SALL3: variants seen among roughly 807,000 people sequenced by gnomAD.
SALL3 encodes spalt like transcription factor 3.
Under a neutral mutation model 66.2 loss-of-function variants are expected in SALL3, and 25 were observed. The ratio of observed to expected loss-of-function variants is 0.38; its 90% CI spans 0.28 to 0.53. The LOEUF (loss-of-function observed/expected upper bound fraction) is 0.53. SALL3 is among the 20% of genes least tolerant of loss of function. SALL3 has a pLI of 0.85. For missense variants in SALL3, 2,194 were observed against 1,916.5 expected, an observed-to-expected ratio of 1.14 and a Z score of -2.70; for synonymous variants, 1,152 against 899.1, an observed-to-expected ratio of 1.28 and a Z score of -5.03.
chr18:78,989,352 G>A lies in SALL3; in HGVS notation c.83-2722G>A, dbSNP rs549172203. Among the ~76,000 whole-genome samples the A allele has an allele frequency of 2.6e-3, 398 of 152,244 alleles. 1 individual carries two copies. Among genetic ancestry groups the A allele is most frequent in the Non-Finnish European group, 4.5e-3 (308 of 67,990 alleles). On this transcript the variant is annotated intron_variant, in intron 1 of 2. Transcript: ENST00000537592. ...TGTTAAGGTAAATAGAGATTTGTTT[G>A]GGTCAGGACCTTTGCAAAAAGCACA... is the stretch of plus-strand genomic sequence containing the variant.
At chr18:78,988,034 A>C (rs1448687146) in intron 1 of SALL3, among the ~76,000 whole-genome samples, 2 of 152,248 alleles carry the variant, frequency 1.3e-5, no homozygotes, top group South Asian at 4.1e-4. Flanking sequence ...CAAACTTGTC[A>C]CTGTTGTACT....
chr18:78,983,584 T>C (rs1419423135), intron 1 of SALL3, among the ~76,000 whole-genome samples: 1 of 152,202 alleles, frequency 6.6e-6, no homozygotes, highest in Non-Finnish European at 1.5e-5. Context: ...GTTGAGCATG[T>C]GATTTAAGAA....
At chr18:78,983,787 G>T (rs907104172) in intron 1 of SALL3, among the ~76,000 whole-genome samples, 1 of 152,140 alleles carries the variant, frequency 6.6e-6, no homozygotes, top group Non-Finnish European at 1.5e-5. Context: ...ACATTCACAG[G>T]CAGATTGCTT....
chr18:78,995,697 T>G (rs1364579323), intron 2 of SALL3, among the ~76,000 whole-genome samples: 1 of 7,974 alleles, frequency 1.3e-4, no homozygotes, highest in Non-Finnish European at 2.9e-4. Flanking sequence ...CAGGTGTGTA[T>G]GGGTCGTGTG....
chr18:78,990,605 CT>C (rs1480614889), intron 1 of SALL3, among the ~76,000 whole-genome samples: 1 of 152,112 alleles, frequency 6.6e-6, no homozygotes, highest in Non-Finnish European at 1.5e-5. Flanking sequence ...AAATGTGGAG[CT>C]TTTTAGCAAA....
rs2146217055 is a variant in SALL3, at chr18:78,993,682, C to T, written c.1691C>T (p.Ala564Val). The T allele has an allele frequency of 1.3e-6, 2 of 1,583,432 alleles. No homozygotes were observed. The highest frequency in any genetic ancestry group is 1.3e-5 in the African/African-American group (1 of 74,506). ...CCCTCGCCCGCCTCCAGCGAGTGCG[C>T]CTCCTTGTCCCCAGGCCTCAACCAC... ...QRPSPASSEC[A>V]SLSPGLNHVE... is the part of the protein sequence containing the mutation. Residue 564 changes from alanine to valine, a missense_variant, in exon 2 of 3, where the codon GCC (alanine) becomes GTC (valine). Physicochemically the swap from Ala to Val is moderately conservative, Grantham distance 64 (BLOSUM62 0). Transcript: ENST00000537592.
At chr18:78,995,503 C>A in intron 2 of SALL3, 41 bp downstream of exon 2, 2 of 1,484,558 alleles carry the variant, frequency 1.3e-6, no homozygotes, top group Non-Finnish European at 1.8e-6. Flanking sequence ...GCGGTGCGGC[C>A]GAGCCACGGT....
At position 78,992,317 on chromosome 18, in the gene SALL3, G is replaced by A. The variant is rs1262335750; in HGVS notation, c.326G>A (p.Ser109Asn). 1 of 1,483,966 alleles carries A rather than the reference G, an allele frequency of 6.7e-7. No homozygotes were observed. The highest frequency in any genetic ancestry group is 2.3e-5 in the Admixed American group (1 of 43,254). The allele number at this position is 1,483,966 out of a possible 1,614,324, so 91.9% of individuals were successfully genotyped here. The change falls in exon 2 of 3, where the codon AGC (serine) becomes AAC (asparagine). Residue 109 changes from serine to asparagine, a missense_variant. By Grantham distance (46) the Ser-to-Asn change is conservative. Coordinates refer to ENST00000537592, the MANE Select transcript of SALL3 (RefSeq NM_171999.4). ...AGCTCCCCCAGCGAGCGCGCCGAAA[G>A]CGAGGCGGCCGAGGAGGCGGGTGCG... is the stretch of plus-strand genomic sequence containing the variant. The part of the protein sequence containing the change: ...PASSPSERAE[S>N]EAAEEAGAEG...
At position 78,995,572 on chromosome 18, in the gene SALL3, A is replaced by G. The variant is rs1914662584; in HGVS notation, c.3471+110A>G. The G allele has an allele frequency of 6.3e-6, 9 of 1,437,946 alleles. No individual in the cohort carries two copies. In the South Asian group the frequency reaches 8.8e-5, roughly 14 times the overall value. 89.1% of individuals were successfully genotyped at this position (1,437,946 alleles called of 1,614,324 possible). ...CCGAGGTCCTGCTCCTATCCTGGCC[A>G]GGGGGGTGAGATGCCACGCCTGTGG... On this transcript the variant is annotated intron_variant, in intron 2 of 2. Transcript: ENST00000537592.
intron 1 of SALL3, among the ~76,000 whole-genome samples, chr18:78,986,481 C>G (rs1015912975): frequency 6.6e-6 from 1 of 152,220 alleles, no homozygotes; most frequent in African/African-American, 2.4e-5. Context: ...CTATTTGTCT[C>G]CTCCTGTTTC....
chr18:78,980,830 C>T (rs1914029215), intron 1 of SALL3, among the ~76,000 whole-genome samples: 1 of 152,128 alleles, frequency 6.6e-6, no homozygotes, highest in Non-Finnish European at 1.5e-5. Flanking sequence ...CCCTCCCGGG[C>T]CCCCGCACCG....
chr18:78,996,193 C>T (rs1367358921), intron 2 of SALL3, among the ~76,000 whole-genome samples: 2 of 152,160 alleles, frequency 1.3e-5, no homozygotes, highest in East Asian at 1.9e-4. Flanking sequence ...TGTATGAGAT[C>T]GCAGCAGCAG....
chr18:78,984,416 T>A (rs141640429), intron 1 of SALL3, among the ~76,000 whole-genome samples: 2 of 141,688 alleles, frequency 1.4e-5, no homozygotes, highest in African/African-American at 5.1e-5. Flanking sequence ...GCATAACTTT[T>A]AAATATAACA....
rs1202991506 is a variant in SALL3, at chr18:78,994,741, C to A, written c.2750C>A (p.Ser917Tyr). The stretch of plus-strand genomic sequence containing the variant: ...CCCAGCAATGGTGAGAGCTTCCGCT[C>A]CAAGTCCCCGGGCCTGGGCGCCCCG... The part of the protein sequence containing the change: ...PAPSNGESFR[S>Y]KSPGLGAPEE... Residue 917 changes from serine to tyrosine, a missense_variant, in exon 2 of 3, where the codon TCC becomes TAC. Physicochemically the swap from Ser to Tyr is moderately radical, Grantham distance 144. Coordinates refer to ENST00000537592, the MANE Select transcript of SALL3 (RefSeq NM_171999.4). The A allele has an allele frequency of 6.2e-7, 1 of 1,602,796 alleles. No individual in the cohort carries two copies. The highest frequency in any genetic ancestry group is 8.5e-7 in the Non-Finnish European group (1 of 1,179,028).
intron 1 of SALL3, among the ~76,000 whole-genome samples, chr18:78,991,386 G>C (rs1056478647): frequency 1.1e-5 from 1 of 92,688 alleles, no homozygotes; most frequent in African/African-American, 4.6e-5. Context: ...ACAAGGGTGG[G>C]GGGGGGGGAA....
At chr18:78,996,373 C>T (rs1005093901) in intron 2 of SALL3, among the ~76,000 whole-genome samples, 13 of 152,230 alleles carry the variant, frequency 8.5e-5, no homozygotes, top group Non-Finnish European at 1.9e-4. Context: ...TGGTTTCTAC[C>T]TGGCGTGCGT....
rs775194041 is a variant in SALL3, at chr18:78,993,708, G to A, written c.1717G>A (p.Val573Met). The A allele has an allele frequency of 8.9e-6, 14 of 1,564,694 alleles. No homozygotes were observed. In the South Asian group the frequency reaches 1.3e-4, roughly 14 times the overall value. The change falls in exon 2 of 3, where the codon GTG becomes ATG. Residue 573 changes from valine (V) to methionine (M), a missense_variant. Transcript: ENST00000537592. ...CASLSPGLNH[V>M]ESGVSATAES... ...CTCCTTGTCCCCAGGCCTCAACCAC[G>A]TGGAGTCCGGCGTGTCGGCCACCGC...
intron 2 of SALL3, 116 bp downstream of exon 2, chr18:78,995,578 G>T: frequency 7.0e-7 from 1 of 1,425,950 alleles, no homozygotes; most frequent in Non-Finnish European, 9.2e-7. Context: ...GGCCAGGGGG[G>T]TGAGATGCCA....
chr18:78,984,026 TC>T (rs1914158603), intron 1 of SALL3, among the ~76,000 whole-genome samples: 2 of 152,246 alleles, frequency 1.3e-5, no homozygotes, highest in African/African-American at 4.8e-5. Context: ...GTTTTCAACT[TC>T]CATGGCATAT....
Sources: gnomAD v4.1 joint callset for allele counts (sites outside exome capture counted in the v4.1 genomes callset) on GRCh38, gnomAD v4.1.1 for gene constraint, MANE v1.5 for transcripts, NCBI Gene and HGNC (gene_info 2026-07-23, HGNC 2026-07-21) for gene names.